The following IL19 variants were observed in gnomAD, a reference collection of about 807,000 sequenced individuals.
The protein encoded by IL19 is interleukin-19.
IL19 carries 15 observed loss-of-function variants against 19.5 expected under a neutral mutation model. That is an observed-to-expected ratio of 0.77 (90% CI 0.52 to 1.19). The LOEUF (loss-of-function observed/expected upper bound fraction) is 1.19. Ranked by LOEUF, IL19 falls within the 50% of genes most tolerant of loss-of-function variation. The pLI is 0.00. For synonymous variants in IL19, 78 were observed against 78.3 expected (o/e 1.00, Z 0.02); for missense variants, 199 against 213.1 (o/e 0.93, Z 0.41).
intron 1 of IL19, chr1:206,772,492 T>G: frequency 6.6e-7 from 1 of 1,521,734 alleles, no homozygotes; most frequent in East Asian, 2.3e-5. Context: ...GCCCCTGATG[T>G]GTAGACCTTC....
At chr1:206,800,402 T>A (rs1292322375) in intron 2 of IL19, among the ~76,000 whole-genome samples, 1 of 152,348 alleles carries the variant, frequency 6.6e-6, no homozygotes, top group East Asian at 1.9e-4. Flanking sequence ...TGCTCCGATA[T>A]GTTGCTGTGC....
At chr1:206,772,373 G>T in intron 1 of IL19, 1 of 1,614,170 alleles carries the variant, frequency 6.2e-7, no homozygotes, top group Non-Finnish European at 8.5e-7. Context: ...GGGTGCCCTG[G>T]CCTGGGCTGG....
chr1:206,793,487 G>A (rs1193845805), intron 1 of IL19, among the ~76,000 whole-genome samples: 5 of 152,152 alleles, frequency 3.3e-5, no homozygotes, highest in East Asian at 1.9e-4. Flanking sequence ...GAATGCCTCC[G>A]ATTCCCCCAG....
Position 206,798,938 on chromosome 1 carries a change from T to C in IL19, c.-71T>C, listed in dbSNP as rs778855635. On this transcript the variant is annotated 5_prime_UTR_variant, in exon 2 of 7. Transcript: ENST00000659997. ...TTTCCGCACAGATCTGCGTGTTCCT[T>C]ACCACTCACACATGTGCACACACAT... is the stretch of plus-strand genomic sequence containing the variant. 3.7e-6 allele frequency: 6 copies of C among 1,613,882 alleles called. No homozygotes were observed. The East Asian group carries it at 1.3e-4, about 36-fold the overall frequency.
intron 2 of IL19, among the ~76,000 whole-genome samples, chr1:206,813,869 T>C (rs1179536124): frequency 1.3e-5 from 2 of 152,140 alleles, no homozygotes; most frequent in African/African-American, 4.8e-5. Context: ...ATTCAATCAG[T>C]TGAATGACCT....
intron 2 of IL19, among the ~76,000 whole-genome samples, chr1:206,801,075 A>C (rs1675669074): frequency 6.6e-6 from 1 of 152,026 alleles, no homozygotes; most frequent in African/African-American, 2.4e-5. Context: ...AAAGCACTGG[A>C]TCTTCTAACT....
chr1:206,799,664 A>G (rs1675630233), intron 2 of IL19, among the ~76,000 whole-genome samples: 1 of 152,238 alleles, frequency 6.6e-6, no homozygotes, highest in Non-Finnish European at 1.5e-5. Context: ...CCCAAGACCA[A>G]ATTACTGGGA....
intron 4 of IL19, among the ~76,000 whole-genome samples, chr1:206,837,719 G>A (rs1185184336): frequency 6.6e-6 from 1 of 152,168 alleles, no homozygotes; most frequent in Non-Finnish European, 1.5e-5. Flanking sequence ...GGGCATAGTG[G>A]CATGCAACTC....
intron 2 of IL19, among the ~76,000 whole-genome samples, chr1:206,832,826 C>G (rs145429569): frequency 1.3e-5 from 2 of 152,330 alleles, no homozygotes; most frequent in Non-Finnish European, 2.9e-5. Context: ...TCAACACTTA[C>G]CATTTTATTA....
At position 206,836,926 on chromosome 1, in the gene IL19, GCTTATGTCTGTT is replaced by G; in HGVS notation, c.145-24_145-13del. On this transcript the variant is annotated intron_variant, in intron 3 of 6. Coordinates refer to ENST00000659997, the MANE Select transcript of IL19 (RefSeq NM_153758.5). Reference sequence around the variant, plus strand: ...CTCAGAAGAACATAGGATACCGATTGCTTATGTCTGTTCTTATGTTTCCCTCCACAGCAAGCT... The same window carrying G: ...CTCAGAAGAACATAGGATACCGATTGCTTATGTTTCCCTCCACAGCAAGCT... 2 of 1,607,112 alleles carry G rather than the reference GCTTATGTCTGTT, an allele frequency of 1.2e-6. No homozygotes were observed. Among genetic ancestry groups the G allele is most frequent in the Non-Finnish European group, 1.7e-6 (2 of 1,173,692 alleles).
chr1:206,786,903 C>T (rs561669898), intron 1 of IL19, among the ~76,000 whole-genome samples: 1 of 152,154 alleles, frequency 6.6e-6, no homozygotes, highest in Non-Finnish European at 1.5e-5. Flanking sequence ...GAGAACAGAA[C>T]GCATTCTTAA....
chr1:206,786,055 G>T (rs1287780358), intron 1 of IL19, among the ~76,000 whole-genome samples: 3 of 152,146 alleles, frequency 2.0e-5, no homozygotes, highest in African/African-American at 7.2e-5. Context: ...GACATCCTTA[G>T]AGGGTATCAT....
At chr1:206,791,929 A>G (rs1184045144) in intron 1 of IL19, among the ~76,000 whole-genome samples, 1 of 151,384 alleles carries the variant, frequency 6.6e-6, no homozygotes, top group Non-Finnish European at 1.5e-5. Flanking sequence ...GGTCCTGTGC[A>G]TGTGTGTGTG....
intron 2 of IL19, chr1:206,833,802 T>C (rs1029811835): frequency 3.2e-5 from 32 of 985,432 alleles, no homozygotes; most frequent in Non-Finnish European, 2.5e-5. Flanking sequence ...TGCAAAGAAA[T>C]CCTTGCTTTA....
intron 2 of IL19, among the ~76,000 whole-genome samples, chr1:206,813,016 T>C (rs1250259590): frequency 1.3e-5 from 2 of 152,258 alleles, no homozygotes; most frequent in African/African-American, 4.8e-5. Context: ...TTTTATATGC[T>C]GAATAGTTGC....
intron 1 of IL19, among the ~76,000 whole-genome samples, chr1:206,776,491 T>C (rs1383770675): frequency 6.6e-6 from 1 of 151,840 alleles, no homozygotes; most frequent in Non-Finnish European, 1.5e-5. Flanking sequence ...CATTCTACAG[T>C]TTACAAGATC....
chr1:206,812,044 G>A (rs1676028161), intron 2 of IL19, among the ~76,000 whole-genome samples: 1 of 152,248 alleles, frequency 6.6e-6, no homozygotes, highest in African/African-American at 2.4e-5. Context: ...ATCCCCAGAA[G>A]CAGATGGCTT....
At chr1:206,788,546 A>T in intron 1 of IL19, among the ~76,000 whole-genome samples, 1 of 151,144 alleles carries the variant, frequency 6.6e-6, no homozygotes, top group Non-Finnish European at 1.5e-5. Flanking sequence ...TTATCTCAAG[A>T]GCTTTAGAGG....
chr1:206,779,869 T>C (rs961819346), intron 1 of IL19, among the ~76,000 whole-genome samples: 21 of 151,232 alleles, frequency 1.4e-4, no homozygotes, highest in Non-Finnish European at 2.4e-4. Flanking sequence ...TTTTTTTTTT[T>C]AAAGAGACAG....
Sources: allele counts gnomAD v4.1 joint callset (sites outside exome capture counted in the v4.1 genomes callset), GRCh38; gene constraint gnomAD v4.1.1; transcripts MANE v1.5; gene names NCBI Gene and HGNC (gene_info 2026-07-23, HGNC 2026-07-21).